The following NUB1 variants were observed in gnomAD, a reference collection of about 807,000 sequenced individuals.
NUB1 encodes NEDD8 ultimate buster 1.
In NUB1, 41 loss-of-function variants were observed where a neutral mutation model predicts 77.1. That is an observed-to-expected ratio of 0.53 (90% CI 0.41 to 0.69). NUB1 has a LOEUF of 0.69. Ranked by LOEUF, NUB1 falls within the 30% of genes least tolerant of loss-of-function variation. NUB1 has a pLI of 0.00. For missense variants in NUB1, 643 were observed against 743.8 expected, an observed-to-expected ratio of 0.86 and a Z score of 1.58; for synonymous variants, 257 against 281.0, an observed-to-expected ratio of 0.91 and a Z score of 0.85.
intron 4 of NUB1, 93 bp downstream of exon 4, chr7:151,351,575 G>A: frequency 1.2e-6 from 1 of 852,152 alleles, no homozygotes; most frequent in South Asian, 1.7e-5. Context: ...AGATAGGTAG[G>A]GCAGGTATTA....
At chr7:151,362,930 A>G (rs1236839886) in intron 8 of NUB1, among the ~76,000 whole-genome samples, 1 of 152,254 alleles carries the variant, frequency 6.6e-6, no homozygotes, top group Non-Finnish European at 1.5e-5. Context: ...CAGGGCGTCA[A>G]ATAGAGTCTT....
At chr7:151,346,186 G>T (rs7805834) in intron 2 of NUB1, among the ~76,000 whole-genome samples, 23,063 of 152,178 alleles carry the variant, frequency 0.15, 2,165 homozygotes, top group African/African-American at 0.27. Flanking sequence ...TGCTTGGGAG[G>T]TGACAAACTG....
At chr7:151,358,397 C>T (rs1797188607) in intron 7 of NUB1, among the ~76,000 whole-genome samples, 2 of 152,200 alleles carry the variant, frequency 1.3e-5, no homozygotes, top group South Asian at 4.1e-4. Context: ...AGATGGGTAC[C>T]AGTCCGTGGC....
At chr7:151,358,104 T>C (rs1461532875) in intron 7 of NUB1, among the ~76,000 whole-genome samples, 5 of 151,688 alleles carry the variant, frequency 3.3e-5, no homozygotes, top group Admixed American at 6.6e-5. Context: ...GCCTCCTGAG[T>C]AGCTGGGACT....
rs1719409408 is a variant in NUB1 at position 151,351,452 on chromosome 7, T to C, written c.314T>C (p.Leu105Ser). 1 of 1,613,178 alleles carries C rather than the reference T, an allele frequency of 6.2e-7. No homozygotes were observed. The highest frequency in any genetic ancestry group is 8.5e-7 in the Non-Finnish European group (1 of 1,179,434). The change falls in exon 4 of 15, where the codon TTG becomes TCG. Residue 105 changes from leucine (L) to serine (S), a missense_variant. Coordinates refer to ENST00000568733, the MANE Select transcript of NUB1 (RefSeq NM_001243351.2). ...AGGAAAAACTTGTTGGAGACCCGATTGCACATCACTGGCAGAGAACTGAGG... is the reference window on the plus strand; with the variant it reads ...AGGAAAAACTTGTTGGAGACCCGATCGCACATCACTGGCAGAGAACTGAGG... ...KDRKNLLETR[L>S]HITGRELRSK...
At chr7:151,376,180 G>C (rs979670568) in intron 13 of NUB1, 1 of 516,714 alleles carries the variant, frequency 1.9e-6, no homozygotes, top group Non-Finnish European at 3.5e-6. Flanking sequence ...TAGGTTTGCT[G>C]CCTTTGTCTA....
intron 12 of NUB1, 89 bp downstream of exon 12, chr7:151,374,332 G>A: frequency 6.8e-7 from 1 of 1,464,716 alleles, no homozygotes. Context: ...ATCCTCCCGG[G>A]CTCACTCCTA....
intron 9 of NUB1, 32 bp downstream of exon 9, chr7:151,367,157 T>G (rs1223389634): frequency 5.8e-6 from 9 of 1,554,486 alleles, no homozygotes; most frequent in Non-Finnish European, 7.9e-6. Context: ...TATGTCTCGT[T>G]GAGTCCATTT....
intron 12 of NUB1, among the ~76,000 whole-genome samples, chr7:151,375,152 T>G (rs930034165): frequency 6.6e-6 from 1 of 152,244 alleles, no homozygotes; most frequent in East Asian, 1.9e-4. Flanking sequence ...ATCCCTGCCC[T>G]GTTCCCCGGA....
chr7:151,363,838 C>T (rs776829708), intron 8 of NUB1, among the ~76,000 whole-genome samples: 5 of 151,902 alleles, frequency 3.3e-5, no homozygotes, highest in Non-Finnish European at 5.9e-5. Flanking sequence ...AGTGCAGTGA[C>T]GCAATCTTAG....
At chr7:151,370,083 T>G (rs1367683449) in intron 11 of NUB1, among the ~76,000 whole-genome samples, 1 of 151,942 alleles carries the variant, frequency 6.6e-6, no homozygotes, top group African/African-American at 2.4e-5. Flanking sequence ...GCAGAGACTT[T>G]GAAAAGCTGA....
intron 7 of NUB1, among the ~76,000 whole-genome samples, chr7:151,358,215 G>A (rs550768903): frequency 8.6e-4 from 129 of 149,154 alleles, no homozygotes; most frequent in Non-Finnish European, 1.5e-3. Flanking sequence ...CTCGTGATCC[G>A]CCTGCCTCGG....
chr7:151,356,662 A>G (rs1459662911), intron 7 of NUB1, among the ~76,000 whole-genome samples: 1 of 152,198 alleles, frequency 6.6e-6, no homozygotes, highest in African/African-American at 2.4e-5. Context: ...TCCCTGTTCT[A>G]TAATTTGGGA....
chr7:151,368,090 A>G, intron 10 of NUB1, 122 bp downstream of exon 10: 1 of 620,318 alleles, frequency 1.6e-6, no homozygotes, highest in South Asian at 2.0e-5. Flanking sequence ...CTCCGTGCAC[A>G]GGAGATGTTG....
At chr7:151,351,187 G>C in intron 3 of NUB1, 1 of 483,328 alleles carries the variant, frequency 2.1e-6, no homozygotes, top group Non-Finnish European at 3.6e-6. Context: ...TGTGTGAGAC[G>C]GCCCCTCTGA....
intron 4 of NUB1, among the ~76,000 whole-genome samples, chr7:151,351,761 TTGAGTGAA>T (rs1411995461): frequency 6.6e-6 from 1 of 152,112 alleles, no homozygotes; most frequent in Non-Finnish European, 1.5e-5. Flanking sequence ...TGGTGCATGT[TTGAGTGAA>T]TGAGTGAGTG....
intron 8 of NUB1, chr7:151,360,733 C>T (rs1162401536): frequency 6.5e-6 from 1 of 153,162 alleles, no homozygotes; most frequent in Non-Finnish European, 1.5e-5. Flanking sequence ...ATCCTCCCAC[C>T]TCAGCCTCCT....
intron 11 of NUB1, among the ~76,000 whole-genome samples, chr7:151,373,055 T>G (rs1257107129): frequency 6.6e-6 from 1 of 152,116 alleles, no homozygotes; most frequent in Non-Finnish European, 1.5e-5. Flanking sequence ...GCTTTTGTTT[T>G]CCTAAGAGAT....
At chr7:151,368,052 T>C in intron 10 of NUB1, 84 bp downstream of exon 10, 1 of 786,730 alleles carries the variant, frequency 1.3e-6, no homozygotes, top group Non-Finnish European at 2.1e-6. Flanking sequence ...TAGTAGTTTG[T>C]GACTTGTGAG....
Sources: gnomAD v4.1 joint callset for allele counts (sites outside exome capture counted in the v4.1 genomes callset) on GRCh38, gnomAD v4.1.1 for gene constraint, MANE v1.5 for transcripts, NCBI Gene and HGNC (gene_info 2026-07-23, HGNC 2026-07-21) for gene names.